Variants in ANKRD33B observed in about 807,000 individuals in gnomAD.
ANKRD33B encodes ankyrin repeat domain-containing protein 33B.
ANKRD33B carries 6 observed loss-of-function variants against 21.5 expected under a neutral mutation model. That is an observed-to-expected ratio of 0.28 (90% CI 0.15 to 0.55). The LOEUF is 0.55. Among genes scored for constraint, ANKRD33B ranks in the 20% least tolerant of loss-of-function variants. The probability of loss-of-function intolerance (pLI) is 0.94; values close to 1 mark genes in which losing one functional copy is unlikely to be tolerated. For missense variants in ANKRD33B, 698 were observed against 747.2 expected (o/e 0.93, Z 0.77); for synonymous variants, 347 against 342.4 (o/e 1.01, Z -0.15).
At chr5:10,604,232 C>T (rs1735992329) in intron 1 of ANKRD33B, among the ~76,000 whole-genome samples, 1 of 133,828 alleles carries the variant, frequency 7.5e-6, no homozygotes, top group African/African-American at 2.8e-5. Flanking sequence ...TTCTCTGTCA[C>T]CCGGGCTGGA....
At chr5:10,636,427 C>T (rs1474456006) in intron 2 of ANKRD33B, among the ~76,000 whole-genome samples, 2 of 151,110 alleles carry the variant, frequency 1.3e-5, no homozygotes, top group Admixed American at 6.6e-5. Context: ...GCCTCGGCAA[C>T]GTTGGGAGAT....
At chr5:10,597,471 C>A (rs573894214) in intron 1 of ANKRD33B, among the ~76,000 whole-genome samples, 112 of 152,230 alleles carry the variant, frequency 7.4e-4, no homozygotes, top group African/African-American at 2.5e-3. Flanking sequence ...GTAAAGGAGT[C>A]GATTCAACAA....
Position 10,650,219 on chromosome 5 carries a change from C to A in ANKRD33B, c.*106C>A. 1.6e-6 allele frequency: 2 copies of A among 1,215,674 alleles called. No individual in the cohort carries two copies. Among genetic ancestry groups the A allele is most frequent in the Non-Finnish European group, 2.2e-6 (2 of 927,754 alleles). The allele number at this position is 1,215,674 out of a possible 1,614,324, so 75.3% of individuals were successfully genotyped here. On this transcript the variant is annotated 3_prime_UTR_variant, in exon 4 of 4. Transcript: ENST00000296657. ...CGTTGCGCATCGCACCACTTCCGCT[C>A]CATGGACCACGGGGCTGCGCGCATT...
chr5:10,596,053 A>G (rs892883410), intron 1 of ANKRD33B, among the ~76,000 whole-genome samples: 2 of 152,242 alleles, frequency 1.3e-5, no homozygotes, highest in African/African-American at 4.8e-5. Flanking sequence ...CATAAGCCGA[A>G]CAGATTGTTC....
intron 2 of ANKRD33B, chr5:10,624,762 C>CA (rs1736505988): frequency 6.6e-6 from 3 of 456,774 alleles, no homozygotes; most frequent in South Asian, 4.6e-5. Flanking sequence ...TTTCCTTAGA[C>CA]ACTGGCTCCC....
chr5:10,599,954 T>C (rs1366542481), intron 1 of ANKRD33B, among the ~76,000 whole-genome samples: 1 of 152,260 alleles, frequency 6.6e-6, no homozygotes, highest in Non-Finnish European at 1.5e-5. Context: ...TGACCAGCAA[T>C]GCACAAGGGT....
intron 1 of ANKRD33B, among the ~76,000 whole-genome samples, chr5:10,581,499 G>T (rs1209454743): frequency 1.3e-5 from 2 of 152,096 alleles, no homozygotes; most frequent in Non-Finnish European, 2.9e-5. Flanking sequence ...GCTCATTTTT[G>T]GTCTCCCCTG....
In ANKRD33B at chr5:10,607,275, C is replaced by T. The variant is rs548441961; in HGVS notation, c.367-11058C>T. Among the ~76,000 whole-genome samples the T allele has an allele frequency of 3.9e-5, 6 of 152,324 alleles. No individual in the cohort carries two copies. In the South Asian group the frequency reaches 6.2e-4, roughly 16 times the overall value. ...CTCGCTCATTCATGCTGTTGTGCGC[C>T]GGCTAGAGGGGGCAGGGCTCTGCTC... On this transcript the variant is annotated intron_variant, in intron 1 of 3. Transcript: ENST00000296657.
intron 1 of ANKRD33B, among the ~76,000 whole-genome samples, chr5:10,605,258 A>T (rs1579729281): frequency 6.6e-6 from 1 of 151,810 alleles, no homozygotes; most frequent in Non-Finnish European, 1.5e-5. Context: ...ACACACCATT[A>T]CTCCTGCCAT....
chr5:10,594,055 T>C (rs1457652184), intron 1 of ANKRD33B, among the ~76,000 whole-genome samples: 2 of 152,106 alleles, frequency 1.3e-5, no homozygotes, highest in Non-Finnish European at 2.9e-5. Flanking sequence ...GGGGATTTTC[T>C]CTCCTCTCCA....
intron 1 of ANKRD33B, among the ~76,000 whole-genome samples, chr5:10,578,206 G>A (rs1023721296): frequency 3.3e-5 from 5 of 152,100 alleles, no homozygotes; most frequent in African/African-American, 1.2e-4. Context: ...TTTGTTTTTA[G>A]CACTGAAAAT....
chr5:10,595,994 G>A (rs370851756), intron 1 of ANKRD33B, among the ~76,000 whole-genome samples: 137 of 152,304 alleles, frequency 9.0e-4, no homozygotes, highest in African/African-American at 3.1e-3. Context: ...TCATAGGAAA[G>A]TTTGAAAATA....
Position 10,649,334 on chromosome 5 carries a change from C to A in ANKRD33B, c.706C>A (p.Arg236Ser). ...GCAGGAGTGGGCCACTTACACGGGC[C>A]GCGTGGATGCCGTCCGTCTCATGCA... ...SPQEWATYTG[R>S]VDAVRLMQRL... The change falls in exon 4 of 4, where the codon CGC (arginine) becomes AGC (serine). Residue 236 changes from arginine (R) to serine (S), a missense_variant. By Grantham distance (110) the Arg-to-Ser change is moderately radical. This residue lies in a region of ANKRD33B where 543 missense variants were observed against 566.5 expected (regional missense o/e 0.96). Transcript: ENST00000296657. The A allele has an allele frequency of 2.0e-6, 3 of 1,534,782 alleles. No homozygotes were observed. Among genetic ancestry groups the A allele is most frequent in the Non-Finnish European group, 2.6e-6 (3 of 1,146,590 alleles).
rs1270386756 is a variant in ANKRD33B, at chr5:10,618,348, G to A, written c.382G>A (p.Ala128Thr). The A allele has an allele frequency of 7.2e-6, 11 of 1,537,450 alleles. No individual in the cohort carries two copies. Among genetic ancestry groups the A allele is most frequent in the African/African-American group, 1.4e-5 (1 of 73,020 alleles). ...TCATTTCTAGACCGGCCTTATTGTCGCCTGCTACCACGGCTTTGTGGATAC... is the reference window on the plus strand; with the variant it reads ...TCATTTCTAGACCGGCCTTATTGTCACCTGCTACCACGGCTTTGTGGATAC... ...DRNGRTGLIV[A>T]CYHGFVDTVV... The change falls in exon 2 of 4, where the codon GCC (alanine) becomes ACC (threonine). Residue 128 changes from alanine to threonine, a missense_variant. Physicochemically the swap from Ala to Thr is moderately conservative, Grantham distance 58. Coordinates refer to ENST00000296657, the MANE Select transcript of ANKRD33B (RefSeq NM_001164440.2).
chr5:10,575,178 A>C (rs1378469843), intron 1 of ANKRD33B, among the ~76,000 whole-genome samples: 1 of 51,438 alleles, frequency 1.9e-5, no homozygotes, highest in Admixed American at 3.0e-4. Flanking sequence ...TAATGCCAGC[A>C]CTTTGGGAGG....
intron 1 of ANKRD33B, among the ~76,000 whole-genome samples, chr5:10,614,637 A>C (rs184892366): frequency 6.6e-6 from 1 of 152,272 alleles, no homozygotes; most frequent in African/African-American, 2.4e-5. Flanking sequence ...CTGTAATCCC[A>C]ACACTTTGGG....
At chr5:10,623,670 T>A (rs566168380) in intron 2 of ANKRD33B, among the ~76,000 whole-genome samples, 160 of 152,332 alleles carry the variant, frequency 1.1e-3, no homozygotes, top group African/African-American at 3.8e-3. Flanking sequence ...CTCAGCTCTC[T>A]TGGGAGCTGG....
At chr5:10,620,550 CT>C (rs1159145536) in intron 2 of ANKRD33B, among the ~76,000 whole-genome samples, 1 of 152,154 alleles carries the variant, frequency 6.6e-6, no homozygotes, top group Admixed American at 6.5e-5. Flanking sequence ...GATTTCTTTT[CT>C]TACTGATCTG....
chr5:10,631,319 T>C (rs4702712), intron 2 of ANKRD33B, among the ~76,000 whole-genome samples: 34,870 of 151,950 alleles, frequency 0.23, 4,108 homozygotes, highest in Middle Eastern at 0.34. Context: ...GAGAGGTTGA[T>C]GAGAAACAGG....
Sources: allele counts gnomAD v4.1 joint callset (sites outside exome capture counted in the v4.1 genomes callset), GRCh38; gene constraint gnomAD v4.1.1; regional missense constraint gnomAD v4.1.1; transcripts MANE v1.5; gene names NCBI Gene and HGNC (gene_info 2026-07-23, HGNC 2026-07-21).